Variants in UNC5C observed in about 807,000 individuals in gnomAD.
UNC5C encodes netrin receptor UNC5C.
UNC5C carries 47 observed loss-of-function variants against 99.8 expected under a neutral mutation model. The observed-to-expected ratio is 0.47, with a 90% confidence interval of 0.37 to 0.60. UNC5C has a LOEUF of 0.60. Among genes scored for constraint, UNC5C ranks in the 20% least tolerant of loss-of-function variants. The probability of loss-of-function intolerance (pLI) is 0.00; values close to 1 mark genes in which losing one functional copy is unlikely to be tolerated. For missense variants in UNC5C, 1,062 were observed against 1,165.9 expected (o/e 0.91, Z 1.30); for synonymous variants, 487 against 452.2 (o/e 1.08, Z -0.98).
rs1236778105 is a variant in UNC5C at position 95,219,360 on chromosome 4, C to T, written c.1301-47G>A. Reference sequence around the variant, plus strand: ...ATCCCATTGGCATTCTCCATTCAGGCCAACCTACATTAGTCAGACTCCCCC... The same window carrying T: ...ATCCCATTGGCATTCTCCATTCAGGTCAACCTACATTAGTCAGACTCCCCC... On this transcript the variant is annotated intron_variant, in intron 8 of 15. Coordinates refer to ENST00000453304, the MANE Select transcript of UNC5C (RefSeq NM_003728.4). The T allele has an allele frequency of 4.5e-6, 7 of 1,564,974 alleles. No individual in the cohort carries two copies. In the East Asian group the frequency reaches 1.6e-4, roughly 35 times the overall value.
rs571243344 is a variant in UNC5C, at chr4:95,219,775, G to A, written c.1300+210C>T. Among the ~76,000 whole-genome samples the A allele has an allele frequency of 2.0e-5, 3 of 152,260 alleles. No homozygotes were observed. In the South Asian group the frequency reaches 6.2e-4, roughly 32 times the overall value. On this transcript the variant is annotated intron_variant, in intron 8 of 15. Transcript: ENST00000453304. ...CGATTAGAAGTTAAAAAGTGACAGA[G>A]CAATCTGTCAGAAAAGAAAAAAAGA...
At chr4:95,369,606 T>C (rs1744685987) in intron 1 of UNC5C, among the ~76,000 whole-genome samples, 1 of 152,122 alleles carries the variant, frequency 6.6e-6, no homozygotes, top group Admixed American at 6.6e-5. Context: ...CTAAAAAGTT[T>C]CTTAATAACT....
chr4:95,274,193 G>A (rs1303990764), intron 4 of UNC5C, among the ~76,000 whole-genome samples: 2 of 152,150 alleles, frequency 1.3e-5, no homozygotes, highest in African/African-American at 4.8e-5. Flanking sequence ...CTGCAATTTA[G>A]CCAGGTACAC....
At chr4:95,380,384 C>T (rs900346512) in intron 1 of UNC5C, among the ~76,000 whole-genome samples, 2 of 151,722 alleles carry the variant, frequency 1.3e-5, no homozygotes, top group Non-Finnish European at 2.9e-5. Flanking sequence ...ATCTTGAGAT[C>T]ACTAATACAA....
At chr4:95,325,764 A>T (rs1193033513) in intron 2 of UNC5C, among the ~76,000 whole-genome samples, 1 of 152,104 alleles carries the variant, frequency 6.6e-6, no homozygotes. Context: ...GGAAAACCAG[A>T]CCCTAAGCAC....
At chr4:95,368,346 T>C (rs1308576564) in intron 1 of UNC5C, among the ~76,000 whole-genome samples, 1 of 148,872 alleles carries the variant, frequency 6.7e-6, no homozygotes, top group Non-Finnish European at 1.5e-5. Flanking sequence ...AATTATAGGC[T>C]TACTACTACA....
intron 12 of UNC5C, among the ~76,000 whole-genome samples, chr4:95,188,840 G>C (rs529212083): frequency 6.6e-6 from 1 of 152,298 alleles, no homozygotes; most frequent in South Asian, 2.1e-4. Context: ...AGACAAGTAA[G>C]TCCCTGTCAC....
intron 12 of UNC5C, among the ~76,000 whole-genome samples, chr4:95,192,081 TTG>T (rs1737137688): frequency 1.2e-5 from 1 of 86,204 alleles, no homozygotes; most frequent in Non-Finnish European, 2.4e-5. Context: ...ACCTCCTCCT[TTG>T]CTCACCTTCC....
At chr4:95,513,704 T>C (rs570823436) in intron 1 of UNC5C, among the ~76,000 whole-genome samples, 1 of 152,266 alleles carries the variant, frequency 6.6e-6, no homozygotes, top group South Asian at 2.1e-4. Context: ...GGGGCAGGCA[T>C]TAACGCAACA....
intron 1 of UNC5C, among the ~76,000 whole-genome samples, chr4:95,372,810 T>A (rs1467274944): frequency 6.6e-6 from 1 of 152,208 alleles, no homozygotes; most frequent in African/African-American, 2.4e-5. Flanking sequence ...TGAGACATCA[T>A]TCTATAGTGC....
chr4:95,519,548 A>C (rs1472334081), intron 1 of UNC5C, among the ~76,000 whole-genome samples: 3 of 151,786 alleles, frequency 2.0e-5, no homozygotes, highest in Non-Finnish European at 4.4e-5. Context: ...AAAAAAAAAA[A>C]CAAACTTTTC....
At chr4:95,229,914 G>A (rs1416583561) in intron 7 of UNC5C, among the ~76,000 whole-genome samples, 1 of 145,720 alleles carries the variant, frequency 6.9e-6, no homozygotes, top group East Asian at 2.1e-4. Flanking sequence ...GGGTTCAAGC[G>A]ATTCTCCTGC....
intron 1 of UNC5C, among the ~76,000 whole-genome samples, chr4:95,542,172 T>C (rs1324046461): frequency 3.9e-5 from 6 of 152,104 alleles, no homozygotes; most frequent in African/African-American, 7.2e-5. Context: ...CATCTGTTAA[T>C]ATGATTATTG....
At chr4:95,460,529 A>G (rs1747569764) in intron 1 of UNC5C, among the ~76,000 whole-genome samples, 1 of 152,076 alleles carries the variant, frequency 6.6e-6, no homozygotes, top group African/African-American at 2.4e-5. Flanking sequence ...AAGTCCCACG[A>G]GATCTGACGG....
At chr4:95,492,061 GGTGT>G (rs1721509064) in intron 1 of UNC5C, among the ~76,000 whole-genome samples, 1 of 151,106 alleles carries the variant, frequency 6.6e-6, no homozygotes, top group African/African-American at 2.4e-5. Flanking sequence ...TGTGTGTGAG[GGTGT>G]GTGTGTAGTT....
At chr4:95,485,101 T>C (rs1721284271) in intron 1 of UNC5C, among the ~76,000 whole-genome samples, 1 of 151,830 alleles carries the variant, frequency 6.6e-6, no homozygotes, top group Non-Finnish European at 1.5e-5. Context: ...CTTTCTTTCT[T>C]TAGTAATGTA....
intron 1 of UNC5C, among the ~76,000 whole-genome samples, chr4:95,355,877 A>C (rs905290364): frequency 2.0e-5 from 3 of 152,110 alleles, no homozygotes; most frequent in Non-Finnish European, 2.9e-5. Context: ...ACAATACGTT[A>C]GTTTTTGTGT....
intron 1 of UNC5C, among the ~76,000 whole-genome samples, chr4:95,484,497 T>C (rs544813366): frequency 4.0e-5 from 6 of 151,898 alleles, no homozygotes; most frequent in South Asian, 2.1e-4. Context: ...TGACAACCTG[T>C]GGGCATTAGT....
At chr4:95,400,630 A>AG (rs1745661798) in intron 1 of UNC5C, among the ~76,000 whole-genome samples, 2 of 152,146 alleles carry the variant, frequency 1.3e-5, no homozygotes, top group African/African-American at 4.8e-5. Flanking sequence ...TGACCTCAGG[A>AG]TCCACTCGCC....
Sources: allele counts gnomAD v4.1 joint callset (sites outside exome capture counted in the v4.1 genomes callset), GRCh38; gene constraint gnomAD v4.1.1; transcripts MANE v1.5; gene names NCBI Gene and HGNC (gene_info 2026-07-23, HGNC 2026-07-21).